LGR5: variants seen among roughly 807,000 people sequenced by gnomAD.
LGR5 encodes leucine rich repeat containing G protein-coupled receptor 5.
In LGR5, 54 loss-of-function variants were observed where a neutral mutation model predicts 76.7. The observed-to-expected ratio is 0.70, with a 90% confidence interval of 0.57 to 0.88. The LOEUF (loss-of-function observed/expected upper bound fraction) is 0.88, where lower values mean the gene tolerates loss of function less well. Ranked by LOEUF, LGR5 falls within the 40% of genes least tolerant of loss-of-function variation. The pLI is 0.00. For missense variants in LGR5, 1,078 were observed against 1,073.3 expected (o/e 1.00, Z -0.06); for synonymous variants, 406 against 421.9 (o/e 0.96, Z 0.46).
At chr12:71,495,791 C>A (rs1243880101) in intron 1 of LGR5, among the ~76,000 whole-genome samples, 1 of 151,088 alleles carries the variant, frequency 6.6e-6, no homozygotes, top group Non-Finnish European at 1.5e-5. Flanking sequence ...TCCTTTGAAA[C>A]CCCAGGAGAA....
intron 2 of LGR5, 128 bp downstream of exon 2, chr12:71,504,813 C>T (rs1203744991): frequency 2.5e-6 from 2 of 788,490 alleles, no homozygotes; most frequent in Non-Finnish European, 4.5e-6. Flanking sequence ...AATTTCAGAA[C>T]ATGAGGAAAC....
chr12:71,556,653 A>G lies in LGR5; in HGVS notation c.679A>G (p.Lys227Glu). 6.2e-7 allele frequency: 1 copy of G among 1,612,820 alleles called. No individual in the cohort carries two copies. Among genetic ancestry groups the G allele is most frequent in the Non-Finnish European group, 8.5e-7 (1 of 1,178,826 alleles). ...LHNNRIHSLG[K>E]KCFDGLHSLE... Reference sequence around the variant, plus strand: ...TAACAATAGAATCCACTCCCTGGGAAAGAAATGCTTTGATGGGCTCCACAG... The same window carrying G: ...TAACAATAGAATCCACTCCCTGGGAGAGAAATGCTTTGATGGGCTCCACAG... The change falls in exon 6 of 18, where the codon AAG becomes GAG. Residue 227 changes from lysine to glutamate, a missense_variant. Transcript: ENST00000266674.
At chr12:71,504,271 A>G (rs1874747886) in intron 1 of LGR5, among the ~76,000 whole-genome samples, 1 of 152,180 alleles carries the variant, frequency 6.6e-6, no homozygotes, top group Non-Finnish European at 1.5e-5. Flanking sequence ...AGCAAGACAC[A>G]AAGTTGAGTT....
intron 4 of LGR5, among the ~76,000 whole-genome samples, chr12:71,543,134 G>A (rs927433565): frequency 6.6e-5 from 10 of 151,860 alleles, no homozygotes; most frequent in African/African-American, 1.7e-4. Context: ...AGACAAGATC[G>A]GGCACATTCA....
chr12:71,510,009 G>A (rs1875068449), intron 2 of LGR5, among the ~76,000 whole-genome samples: 1 of 152,146 alleles, frequency 6.6e-6, no homozygotes, highest in African/African-American at 2.4e-5. Flanking sequence ...TCCCCAGCAT[G>A]TTACTGAAAA....
At chr12:71,466,428 G>A (rs1253943107) in intron 1 of LGR5, among the ~76,000 whole-genome samples, 5 of 152,168 alleles carry the variant, frequency 3.3e-5, no homozygotes, top group Non-Finnish European at 7.3e-5. Flanking sequence ...ATTAGATGGT[G>A]TAAAGTTGTG....
chr12:71,439,929 C>A lies in LGR5; in HGVS notation c.-152C>A. ...CCCCGCCGCGCTTCTCCTCGCCGCC[C>A]ACGCCGTGGGGTCAGGAACGCGGCG... On this transcript the variant is annotated 5_prime_UTR_variant, in exon 1 of 18. Coordinates refer to ENST00000266674, the MANE Select transcript of LGR5 (RefSeq NM_003667.4). The A allele has an allele frequency of 1.5e-6, 1 of 654,396 alleles. No individual in the cohort carries two copies. Among genetic ancestry groups the A allele is most frequent in the Non-Finnish European group, 2.5e-6 (1 of 405,734 alleles). The allele number at this position is 654,396 out of a possible 1,614,324, so 40.5% of individuals were successfully genotyped here. A position where few individuals can be genotyped will look rare whatever the true frequency, so the allele number is the denominator to read the frequency against.
Position 71,556,670 on chromosome 12 carries a change from G to T in LGR5, c.696G>T (p.Gly232=). The change falls in exon 6 of 18, where the codon GGG becomes GGT. Residue 232 remains glycine, a synonymous_variant. Coordinates refer to ENST00000266674, the MANE Select transcript of LGR5 (RefSeq NM_003667.4). ...CCCTGGGAAAGAAATGCTTTGATGG[G>T]CTCCACAGCCTAGAGACTTTGTGAG... ...IHSLGKKCFD[G]LHSLETLDLN... 1.2e-6 allele frequency: 2 copies of T among 1,611,338 alleles called. No homozygotes were observed. Among genetic ancestry groups the T allele is most frequent in the Non-Finnish European group, 1.7e-6 (2 of 1,177,508 alleles).
At chr12:71,481,988 T>C (rs1335254876) in intron 1 of LGR5, among the ~76,000 whole-genome samples, 1 of 152,190 alleles carries the variant, frequency 6.6e-6, no homozygotes, top group Non-Finnish European at 1.5e-5. Flanking sequence ...TTATTTTTTC[T>C]TTTCATTGTC....
intron 1 of LGR5, among the ~76,000 whole-genome samples, chr12:71,487,458 A>G (rs879705671): frequency 3.9e-5 from 6 of 152,178 alleles, no homozygotes; most frequent in Non-Finnish European, 8.8e-5. Context: ...TCTGTCACTT[A>G]GGCTGGAATG....
chr12:71,484,776 C>T (rs1251342644), intron 1 of LGR5, among the ~76,000 whole-genome samples: 2 of 152,170 alleles, frequency 1.3e-5, no homozygotes, highest in Non-Finnish European at 2.9e-5. Context: ...CTACATCTAT[C>T]ATTTTGTTGT....
chr12:71,455,590 CCTT>C (rs1276575138), intron 1 of LGR5, among the ~76,000 whole-genome samples: 9 of 152,188 alleles, frequency 5.9e-5, no homozygotes, highest in Non-Finnish European at 1.0e-4. Context: ...AACAAGCAGA[CCTT>C]CTTTCTGCCT....
chr12:71,547,961 A>G (rs981036001), intron 4 of LGR5, among the ~76,000 whole-genome samples: 7 of 150,230 alleles, frequency 4.7e-5, no homozygotes, highest in Non-Finnish European at 7.4e-5. Context: ...ACTATATACT[A>G]TAAACTATAT....
intron 4 of LGR5, among the ~76,000 whole-genome samples, chr12:71,541,444 T>G (rs1876875759): frequency 6.6e-6 from 1 of 152,222 alleles, no homozygotes; most frequent in Non-Finnish European, 1.5e-5. Flanking sequence ...AAATGAAGGT[T>G]AACTTTGGAA....
intron 12 of LGR5, 117 bp from the exon 13 acceptor site, chr12:71,572,733 A>G: frequency 1.5e-6 from 1 of 689,412 alleles, no homozygotes; most frequent in Non-Finnish European, 2.6e-6. Flanking sequence ...CTTGATAGAT[A>G]CACTTCATGT....
chr12:71,532,549 A>T (rs138391895), intron 3 of LGR5, among the ~76,000 whole-genome samples: 2 of 152,346 alleles, frequency 1.3e-5, no homozygotes, highest in African/African-American at 2.4e-5. Flanking sequence ...TGTTAAAGGC[A>T]TAATTTTTAT....
chr12:71,542,493 G>A (rs1318559866), intron 4 of LGR5, among the ~76,000 whole-genome samples: 1 of 152,172 alleles, frequency 6.6e-6, no homozygotes, highest in Non-Finnish European at 1.5e-5. Context: ...AGGCTGGCAG[G>A]TGGGGGTACT....
rs765254301 is a variant in LGR5 at position 71,580,383 on chromosome 12, C to T, written c.1512C>T (p.Asp504=). Reference sequence around the variant, plus strand: ...ATAAAGGTGACAACAGCAGTATGGACGACCTTCATAAGAAAGATGCTGGAA... The same window carrying T: ...ATAAAGGTGACAACAGCAGTATGGATGACCTTCATAAGAAAGATGCTGGAA... The part of the protein sequence containing the change: ...QWNKGDNSSM[D]DLHKKDAGMF... The change falls in exon 16 of 18, where the codon GAC becomes GAT. Residue 504 remains aspartate (D), a synonymous_variant. Coordinates refer to ENST00000266674, the MANE Select transcript of LGR5 (RefSeq NM_003667.4). 47 of 1,613,562 alleles carry T rather than the reference C, an allele frequency of 2.9e-5. No homozygotes were observed. The highest frequency in any genetic ancestry group is 4.5e-5 in the East Asian group (2 of 44,874).
chr12:71,523,643 T>C (rs1875832566), intron 2 of LGR5, among the ~76,000 whole-genome samples: 1 of 152,218 alleles, frequency 6.6e-6, no homozygotes, highest in Non-Finnish European at 1.5e-5. Flanking sequence ...GTTATGGCTT[T>C]GATGTGGCTG....
Sources: allele counts gnomAD v4.1 joint callset (sites outside exome capture counted in the v4.1 genomes callset), GRCh38; gene constraint gnomAD v4.1.1; transcripts MANE v1.5; gene names NCBI Gene and HGNC (gene_info 2026-07-23, HGNC 2026-07-21).